THSD4: variants seen among roughly 807,000 people sequenced by gnomAD.
The protein encoded by THSD4 is thrombospondin type-1 domain-containing protein 4.
A neutral mutation model predicts 119.0 loss-of-function variants in THSD4; 69 were observed. The ratio of observed to expected loss-of-function variants is 0.58; its 90% CI spans 0.48 to 0.71. THSD4 has a LOEUF of 0.71. Ranked by LOEUF, THSD4 falls within the 30% of genes least tolerant of loss-of-function variation. The pLI is 0.00. For missense variants in THSD4, 1,393 were observed against 1,391.1 expected (o/e 1.00, Z -0.02); for synonymous variants, 524 against 540.4 (o/e 0.97, Z 0.42).
chr15:71,180,415 T>A (rs1312570536), intron 3 of THSD4, among the ~76,000 whole-genome samples: 2 of 152,086 alleles, frequency 1.3e-5, no homozygotes, highest in Non-Finnish European at 2.9e-5. Flanking sequence ...TTAGGAGGGA[T>A]GATAGTAAGG....
chr15:71,408,858 A>G (rs940121353), intron 6 of THSD4, among the ~76,000 whole-genome samples: 3 of 152,070 alleles, frequency 2.0e-5, no homozygotes, highest in Non-Finnish European at 4.4e-5. Context: ...TCTCACACAG[A>G]CACAAGGGTT....
At chr15:71,482,295 C>CTT (rs33948399) in intron 7 of THSD4, among the ~76,000 whole-genome samples, 25,129 of 143,392 alleles carry the variant, frequency 0.18, 2,914 homozygotes, top group East Asian at 0.29. Context: ...TGTACTGTAA[C>CTT]TTTTTTTTTT....
intron 7 of THSD4, among the ~76,000 whole-genome samples, chr15:71,442,568 C>CAAAAAAAAAAAA (rs71154770): frequency 6.0e-5 from 2 of 33,456 alleles, no homozygotes; most frequent in Non-Finnish European, 1.2e-4. Context: ...AACTCCATCT[C>CAAAAAAAAAAAA]AAAAAAAAAA....
At chr15:71,461,365 A>G (rs1369659630) in intron 7 of THSD4, among the ~76,000 whole-genome samples, 1 of 152,216 alleles carries the variant, frequency 6.6e-6, no homozygotes, top group Admixed American at 6.5e-5. Context: ...ACCTAGTCCC[A>G]GAAGTCATAC....
At chr15:71,695,502 A>ATGTGTGTG (rs3086738) in intron 8 of THSD4, among the ~76,000 whole-genome samples, 17,137 of 143,966 alleles carry the variant, frequency 0.12, 964 homozygotes, top group South Asian at 0.16. Context: ...GTGTGTGTGC[A>ATGTGTGTG]TGTGTGTGTG....
intron 10 of THSD4, 37 bp from the exon 11 acceptor site, chr15:71,737,695 G>C (rs759955698): frequency 6.4e-7 from 1 of 1,557,972 alleles, no homozygotes; most frequent in South Asian, 1.2e-5. Flanking sequence ...GGTCTAAACT[G>C]ATCCTGATTC....
intron 15 of THSD4, among the ~76,000 whole-genome samples, chr15:71,763,830 C>T (rs1412236558): frequency 1.3e-5 from 2 of 152,176 alleles, no homozygotes; most frequent in African/African-American, 4.8e-5. Context: ...TTTGAGAGGC[C>T]GAGGCAGGCA....
At chr15:71,491,877 A>C (rs1214340532) in intron 7 of THSD4, among the ~76,000 whole-genome samples, 1 of 152,202 alleles carries the variant, frequency 6.6e-6, no homozygotes, top group African/African-American at 2.4e-5. Flanking sequence ...TCAAAAAAGA[A>C]AAAAAAGAAA....
At chr15:71,664,275 C>T (rs1326862818) in intron 8 of THSD4, among the ~76,000 whole-genome samples, 1 of 152,096 alleles carries the variant, frequency 6.6e-6, no homozygotes, top group Non-Finnish European at 1.5e-5. Context: ...AGCCACCATG[C>T]CCAGCCAAAG....
intron 4 of THSD4, among the ~76,000 whole-genome samples, chr15:71,235,583 C>CTCTTTTT (rs760270376): frequency 3.1e-5 from 4 of 127,314 alleles, no homozygotes; most frequent in Admixed American, 2.4e-4. Context: ...CCACCTCTCT[C>CTCTTTTT]TTTTTTTTTT....
At position 71,571,257 on chromosome 15, in the gene THSD4, T is replaced by C. The variant is rs536167673; in HGVS notation, c.1153-89273T>C. ...ACTTCTCTTGAGCCCAAAAATCACA[T>C]GGACACATCTTGAATTCTTACAAGT... On this transcript the variant is annotated intron_variant, in intron 7 of 17. Coordinates refer to ENST00000261862, the MANE Select transcript of THSD4 (RefSeq NM_024817.3). Among the ~76,000 whole-genome samples the C allele has an allele frequency of 2.6e-5, 4 of 152,048 alleles. No individual in the cohort carries two copies. In the South Asian group the frequency reaches 8.4e-4, roughly 32 times the overall value.
At chr15:71,366,320 C>T (rs980287257) in intron 6 of THSD4, among the ~76,000 whole-genome samples, 58 of 152,224 alleles carry the variant, frequency 3.8e-4, no homozygotes, top group African/African-American at 1.3e-3. Flanking sequence ...ATGATCCGCC[C>T]GTCTTGGCCT....
rs544273960 is a variant in THSD4 at position 71,694,023 on chromosome 15, A to AAAAGAAAG, written c.1357+33305_1357+33312dup. 4.6e-5 allele frequency among the ~76,000 whole-genome samples: 7 copies of AAAAGAAAG among 152,096 alleles called. No individual in the cohort carries two copies. The East Asian group carries it at 9.6e-4, about 21-fold the overall frequency. ...GAGTGAGACCCTGTCTCAAAAAAAA[A>AAAAGAAAG]AAAGAAAGAAAGAAAGAAAGAAAAG... is the stretch of plus-strand genomic sequence containing the variant. On this transcript the variant is annotated intron_variant, in intron 8 of 17. Transcript: ENST00000261862.
chr15:71,541,969 A>G (rs2048766212), intron 7 of THSD4, among the ~76,000 whole-genome samples: 1 of 152,248 alleles, frequency 6.6e-6, no homozygotes, highest in Admixed American at 6.5e-5. Context: ...CGTATTGCAA[A>G]CAGTCTTGTA....
chr15:71,146,521 A>C (rs1290756879), intron 2 of THSD4, among the ~76,000 whole-genome samples: 1 of 152,060 alleles, frequency 6.6e-6, no homozygotes, highest in Non-Finnish European at 1.5e-5. Context: ...TTTTTGTAGA[A>C]ACAACTAACA....
intron 6 of THSD4, among the ~76,000 whole-genome samples, chr15:71,272,625 GC>G (rs1293682320): frequency 2.0e-5 from 3 of 152,066 alleles, no homozygotes; most frequent in African/African-American, 7.2e-5. Context: ...GTGTTGGGAG[GC>G]CGAGGCAGGC....
chr15:71,620,732 G>A (rs891551459), intron 7 of THSD4, among the ~76,000 whole-genome samples: 6 of 152,160 alleles, frequency 3.9e-5, no homozygotes, highest in African/African-American at 1.4e-4. Context: ...GATTCAACCT[G>A]CACATATCTG....
At chr15:71,125,285 G>C (rs1029931504) in intron 1 of THSD4, among the ~76,000 whole-genome samples, 3 of 152,048 alleles carry the variant, frequency 2.0e-5, no homozygotes, top group Non-Finnish European at 4.4e-5. Context: ...CTTGATTCTA[G>C]CTGGAATTTT....
chr15:71,184,823 G>A lies in THSD4; in HGVS notation c.99+29891G>A, dbSNP rs1396410395. 1.3e-5 allele frequency among the ~76,000 whole-genome samples: 2 copies of A among 151,704 alleles called. 1 individual carries two copies. Among genetic ancestry groups the A allele is most frequent in the Non-Finnish European group, 2.9e-5 (2 of 67,882 alleles). ...CTGTCTATCATTAGGTTACCCTCAC[G>A]CTGTCCTGAAATGTGATGGAAGTAG... On this transcript the variant is annotated intron_variant, in intron 3 of 17. Transcript: ENST00000261862.
Sources: gnomAD v4.1 joint callset for allele counts (sites outside exome capture counted in the v4.1 genomes callset) on GRCh38, gnomAD v4.1.1 for gene constraint, MANE v1.5 for transcripts, NCBI Gene and HGNC (gene_info 2026-07-23, HGNC 2026-07-21) for gene names.